The following ADGRG2 variants were observed in gnomAD, a reference collection of about 807,000 sequenced individuals.
The protein encoded by ADGRG2 is G protein-coupled receptor 64.
A neutral mutation model predicts 74.1 loss-of-function variants in ADGRG2; 26 were observed. That is an observed-to-expected ratio of 0.35 (90% CI 0.26 to 0.49). ADGRG2 has a LOEUF of 0.49. ADGRG2 is among the 20% of genes least tolerant of loss of function. The pLI, the probability that ADGRG2 is intolerant of heterozygous loss-of-function variation, is 0.99. For missense variants in ADGRG2, 619 were observed against 763.1 expected, an observed-to-expected ratio of 0.81 and a Z score of 2.22; for synonymous variants, 296 against 295.2, an observed-to-expected ratio of 1.00 and a Z score of -0.03.
intron 18 of ADGRG2, 133 bp from the exon 19 acceptor site, chrX:19,008,256 A>G: frequency 2.2e-6 from 1 of 452,141 alleles, no homozygotes; most frequent in Non-Finnish European, 3.6e-6. Context: ...AAAAACCACA[A>G]TTACTTTTGC....
At chrX:19,022,765 C>T (rs1372980475) in intron 13 of ADGRG2, among the ~76,000 whole-genome samples, 3 of 111,966 alleles carry the variant, frequency 2.7e-5, no homozygotes, top group Non-Finnish European at 3.8e-5. Flanking sequence ...GGCGCAATCT[C>T]GGCTCACTGC....
chrX:19,013,666 G>A lies in ADGRG2; in HGVS notation c.1099+20C>T, dbSNP rs377436761. On this transcript the variant is annotated intron_variant, in intron 16 of 28. Coordinates refer to ENST00000379869, the MANE Select transcript of ADGRG2 (RefSeq NM_001079858.3). The stretch of plus-strand genomic sequence containing the variant: ...AGATGTCTTGATTGGCAGATTGGCC[G>A]CTGTTCAAGTGACATTTACCTGTCT... 1.2e-4 allele frequency: 143 copies of A among 1,144,056 alleles called. No individual in the cohort carries two copies. The highest frequency in any genetic ancestry group is 1.6e-4 in the Non-Finnish European group (139 of 860,987). 94.3% of individuals were successfully genotyped at this position (1,144,056 alleles called of 1,213,427 possible).
chrX:19,059,142 C>T (rs1360529732), intron 3 of ADGRG2, among the ~76,000 whole-genome samples: 6 of 111,450 alleles, frequency 5.4e-5, no homozygotes, highest in Admixed American at 2.9e-4. Flanking sequence ...ATGATTGTTG[C>T]GCCTGTGAAT....
intron 11 of ADGRG2, among the ~76,000 whole-genome samples, 197 bp downstream of exon 11, chrX:19,027,022 C>T (rs1291723982): frequency 8.9e-6 from 1 of 112,050 alleles, no homozygotes; most frequent in Admixed American, 9.5e-5. Context: ...TATATAACTT[C>T]AGCGCATCAA....
intron 3 of ADGRG2, among the ~76,000 whole-genome samples, chrX:19,050,543 G>A (rs1331132805): frequency 6.3e-5 from 7 of 111,414 alleles, no homozygotes; most frequent in South Asian, 3.9e-4. Flanking sequence ...ACACAATGGC[G>A]GAGCTCACCG....
rs753618563 is a variant in ADGRG2 at position 19,063,198 on chromosome X, C to T, written c.118+5519G>A. 1.8e-4 allele frequency among the ~76,000 whole-genome samples: 20 copies of T among 111,371 alleles called. No individual in the cohort carries two copies. The South Asian group carries it at 7.6e-3, about 43-fold the overall frequency. ...AGAGTGTCATCCCACCTCTCCCTGC[C>T]GTCAAGAGCTACTGAGTCACCTCTC... On this transcript the variant is annotated intron_variant, in intron 3 of 28. Transcript: ENST00000379869.
In ADGRG2 at chrX:19,013,690, C is replaced by T; in HGVS notation, c.1095G>A (p.Gln365=). 8.5e-7 allele frequency: 1 copy of T among 1,182,516 alleles called. No individual in the cohort carries two copies. Among genetic ancestry groups the T allele is most frequent in the East Asian group, 3.0e-5 (1 of 33,589 alleles). ...NVNTTSAPPV[Q]TDIVNTSSIS... Reference sequence around the variant, plus strand: ...CGCTGTTCAAGTGACATTTACCTGTCTGGACAGGAGGTGCGCTGGTAGTGT... The same window carrying T: ...CGCTGTTCAAGTGACATTTACCTGTTTGGACAGGAGGTGCGCTGGTAGTGT... The change falls in exon 16 of 29, where the codon CAG becomes CAA. Residue 365 remains glutamine, a synonymous_variant. Coordinates refer to ENST00000379869, the MANE Select transcript of ADGRG2 (RefSeq NM_001079858.3).
rs1474460512 is a variant in ADGRG2 at position 19,066,438 on chromosome X, G to A, written c.118+2279C>T. On this transcript the variant is annotated intron_variant, in intron 3 of 28. Transcript: ENST00000379869. ...ATTTCCTAGTCCCATTCCTAATGAG[G>A]ATGCTTCTTTTTTTTTTTTTTTTTT... Among the ~76,000 whole-genome samples, 5 of 96,281 alleles carry A rather than the reference G, an allele frequency of 5.2e-5. No homozygotes were observed. The Admixed American group carries it at 6.0e-4, about 11-fold the overall frequency. The allele number at this position is 96,281 out of a possible 115,157, so 83.6% of individuals were successfully genotyped here. A position where few individuals can be genotyped will look rare whatever the true frequency, so the allele number is the denominator to read the frequency against.
At chrX:19,099,141 G>A (rs1264490646) in intron 1 of ADGRG2, among the ~76,000 whole-genome samples, 3 of 110,610 alleles carry the variant, frequency 2.7e-5, no homozygotes, top group Admixed American at 9.6e-5. Context: ...CTGAGATCGC[G>A]CCACTGCACT....
intron 3 of ADGRG2, among the ~76,000 whole-genome samples, chrX:19,061,657 T>C (rs2061491023): frequency 8.9e-6 from 1 of 112,295 alleles, no homozygotes; most frequent in Non-Finnish European, 1.9e-5. Flanking sequence ...ACTCCAGAAA[T>C]ATAGGAAAGA....
chrX:19,051,917 G>A lies in ADGRG2; in HGVS notation c.119-11693C>T, dbSNP rs914602309. Among the ~76,000 whole-genome samples, 5 of 112,205 alleles carry A rather than the reference G, an allele frequency of 4.5e-5. No individual in the cohort carries two copies. The East Asian group carries it at 1.4e-3, about 31-fold the overall frequency. On this transcript the variant is annotated intron_variant, in intron 3 of 28. Coordinates refer to ENST00000379869, the MANE Select transcript of ADGRG2 (RefSeq NM_001079858.3). ...TGAGCTCTGCCCAAATTACAGATCT[G>A]TGAGCAAACTAAATGACAGTTGTAT...
At chrX:19,058,520 C>G (rs2061437799) in intron 3 of ADGRG2, among the ~76,000 whole-genome samples, 1 of 111,614 alleles carries the variant, frequency 9.0e-6, no homozygotes, top group African/African-American at 3.3e-5. Flanking sequence ...TAATTATAAG[C>G]AATTCTAATT....
At chrX:19,034,403 C>T (rs2060890763) in intron 7 of ADGRG2, 1 of 111,881 alleles carries the variant, frequency 8.9e-6, no homozygotes, top group African/African-American at 3.3e-5. Context: ...AGGCTGTGTT[C>T]AGGGCATAGA....
chrX:19,007,838 G>A (rs2060268858), intron 19 of ADGRG2, 142 bp downstream of exon 19: 1 of 465,999 alleles, frequency 2.1e-6, no homozygotes, highest in Non-Finnish European at 3.8e-6. Context: ...AGTATCATTA[G>A]GCTGCATTTA....
chrX:19,109,250 T>C (rs182905174), intron 1 of ADGRG2, among the ~76,000 whole-genome samples: 38 of 111,020 alleles, frequency 3.4e-4, no homozygotes, highest in Admixed American at 2.1e-3. Context: ...TTTGGCCCAG[T>C]TTAAAAAAAA....
intron 9 of ADGRG2, 132 bp from the exon 10 acceptor site, chrX:19,028,370 A>T (rs1406578867): frequency 2.9e-6 from 1 of 345,891 alleles, no homozygotes; most frequent in Non-Finnish European, 5.1e-6. Context: ...CTTTGTCAGT[A>T]AGTTACTCAA....
chrX:19,109,157 G>A (rs913970849), intron 1 of ADGRG2, among the ~76,000 whole-genome samples: 2 of 111,349 alleles, frequency 1.8e-5, no homozygotes, highest in Non-Finnish European at 3.8e-5. Context: ...ATGATGAATC[G>A]TGATGAACAG....
chrX:19,095,520 C>T (rs2062081379), intron 1 of ADGRG2, among the ~76,000 whole-genome samples: 1 of 111,847 alleles, frequency 8.9e-6, no homozygotes, highest in African/African-American at 3.3e-5. Context: ...GTCCTTCTGC[C>T]ATTGTGACCT....
At chrX:19,091,415 G>A (rs1406937150) in intron 1 of ADGRG2, among the ~76,000 whole-genome samples, 1 of 109,268 alleles carries the variant, frequency 9.2e-6, no homozygotes, top group Admixed American at 9.9e-5. Context: ...ACATTGTTCT[G>A]AAGGTCTGAG....
Sources: gnomAD v4.1 joint callset for allele counts (sites outside exome capture counted in the v4.1 genomes callset) on GRCh38, gnomAD v4.1.1 for gene constraint, MANE v1.5 for transcripts, NCBI Gene and HGNC (gene_info 2026-07-23, HGNC 2026-07-21) for gene names.